Variants in ZBTB8A observed in about 807,000 individuals in gnomAD.
ZBTB8A encodes the protein zinc finger and BTB domain containing 8A.
Under a neutral mutation model 37.8 loss-of-function variants are expected in ZBTB8A, and 19 were observed. The observed-to-expected ratio is 0.50, with a 90% CI of 0.35 to 0.74. The LOEUF (loss-of-function observed/expected upper bound fraction) is 0.74, where lower values mean the gene tolerates loss of function less well. Ranked by LOEUF, ZBTB8A falls within the 30% of genes least tolerant of loss-of-function variation. The pLI is 0.01. For synonymous variants in ZBTB8A, 181 were observed against 185.2 expected (o/e 0.98, Z 0.19); for missense variants, 394 against 537.8 (o/e 0.73, Z 2.65).
chr1:32,554,195 C>G (rs12116899), intron 2 of ZBTB8A, among the ~76,000 whole-genome samples: 14 of 127,436 alleles, frequency 1.1e-4, no homozygotes, highest in African/African-American at 4.2e-4. Context: ...GCAAGACTGT[C>G]TCCAAAAAAA....
At chr1:32,565,660 T>G (rs1046447084) in intron 2 of ZBTB8A, among the ~76,000 whole-genome samples, 1 of 152,110 alleles carries the variant, frequency 6.6e-6, no homozygotes, top group African/African-American at 2.4e-5. Context: ...TTAAAAAATT[T>G]TTTTTAATTA....
chr1:32,563,434 G>A (rs1644257741), intron 2 of ZBTB8A, among the ~76,000 whole-genome samples: 1 of 152,012 alleles, frequency 6.6e-6, no homozygotes, highest in South Asian at 2.1e-4. Context: ...TTCCCCCCTA[G>A]GGCTGACACC....
At chr1:32,567,418 C>G (rs1018439888) in intron 2 of ZBTB8A, among the ~76,000 whole-genome samples, 3 of 152,088 alleles carry the variant, frequency 2.0e-5, no homozygotes, top group African/African-American at 4.8e-5. Flanking sequence ...TATCTGCCAC[C>G]TAGCTATTTT....
intron 1 of ZBTB8A, among the ~76,000 whole-genome samples, chr1:32,549,000 A>G (rs567445094): frequency 3.5e-4 from 53 of 150,348 alleles, no homozygotes; most frequent in African/African-American, 1.2e-3. Context: ...AGACCAGCCT[A>G]GCCAATATGG....
Position 32,593,226 on chromosome 1 carries a change from A to G in ZBTB8A, c.295A>G (p.Met99Val). ...SLTGQNVIEV[M>V]SAASFLQMTD... The stretch of plus-strand genomic sequence containing the variant: ...TACTGGTCAGAATGTCATAGAAGTG[A>G]TGTCGGCTGCTAGCTTCCTTCAGAT... Residue 99 changes from methionine (M) to valine (V), a missense_variant, in exon 3 of 5, where the codon ATG (methionine) becomes GTG (valine). This residue lies in a region of ZBTB8A where 96 missense variants were observed against 165.6 expected (regional missense o/e 0.58). Transcript: ENST00000373510. The G allele has an allele frequency of 1.2e-6, 2 of 1,614,194 alleles. No homozygotes were observed. Among genetic ancestry groups the G allele is most frequent in the Non-Finnish European group, 1.7e-6 (2 of 1,180,040 alleles).
chr1:32,541,969 C>A (rs1212054132), intron 1 of ZBTB8A, among the ~76,000 whole-genome samples: 1 of 152,160 alleles, frequency 6.6e-6, no homozygotes, highest in Non-Finnish European at 1.5e-5. Context: ...GATTTTTTGA[C>A]TTTACAGTGC....
At position 32,600,575 on chromosome 1, in the gene ZBTB8A, T is replaced by G; in HGVS notation, c.*156T>G. On this transcript the variant is annotated 3_prime_UTR_variant, in exon 5 of 5. Coordinates refer to ENST00000373510, the MANE Select transcript of ZBTB8A (RefSeq NM_001040441.3). ...TGCATGCTTTCTGAACAGGCCATTG[T>G]ATCCATTCTGAACTTTGTTGCCCTA... 1.6e-6 allele frequency: 1 copy of G among 631,458 alleles called. No homozygotes were observed. The highest frequency in any genetic ancestry group is 2.7e-6 in the Non-Finnish European group (1 of 368,648). The allele number at this position is 631,458 out of a possible 1,614,324, so 39.1% of individuals were successfully genotyped here.
chr1:32,567,621 G>A (rs954558540), intron 2 of ZBTB8A, among the ~76,000 whole-genome samples: 76 of 141,230 alleles, frequency 5.4e-4, no homozygotes, highest in African/African-American at 1.9e-3. Flanking sequence ...GGTGAAACCC[G>A]GTCTCTACTA....
intron 2 of ZBTB8A, among the ~76,000 whole-genome samples, chr1:32,583,439 G>C (rs1210542645): frequency 1.3e-5 from 2 of 150,844 alleles, no homozygotes; most frequent in East Asian, 3.9e-4. Context: ...GAGTTCAGAT[G>C]GTGAGGCATT....
chr1:32,546,135 G>A (rs1464467617), intron 1 of ZBTB8A, among the ~76,000 whole-genome samples: 2 of 152,102 alleles, frequency 1.3e-5, no homozygotes, highest in Non-Finnish European at 2.9e-5. Context: ...TTGAGTATCT[G>A]CCCTTCTCAT....
At chr1:32,568,303 AT>A (rs1157821669) in intron 2 of ZBTB8A, among the ~76,000 whole-genome samples, 3 of 151,530 alleles carry the variant, frequency 2.0e-5, no homozygotes, top group African/African-American at 7.3e-5. Flanking sequence ...TTTTTTTCTT[AT>A]GCCATTTTGT....
intron 2 of ZBTB8A, among the ~76,000 whole-genome samples, chr1:32,578,231 A>ATTTTTT (rs561875455): frequency 1.9e-4 from 26 of 135,084 alleles, no homozygotes; most frequent in African/African-American, 6.6e-4. Flanking sequence ...CTCCTGGCTA[A>ATTTTTT]TTTTTTTTTT....
intron 3 of ZBTB8A, among the ~76,000 whole-genome samples, chr1:32,594,675 C>T (rs1254573241): frequency 2.0e-5 from 3 of 151,468 alleles, no homozygotes; most frequent in Non-Finnish European, 4.4e-5. Flanking sequence ...GCAGAAGAAT[C>T]GCTTCAGGAG....
chr1:32,539,708 CCA>C (rs1465210481), intron 1 of ZBTB8A, 136 bp downstream of exon 1: 116 of 147,412 alleles, frequency 7.9e-4, no homozygotes, highest in South Asian at 1.1e-3. Flanking sequence ...CGCGCCTCCC[CCA>C]GACGTCCCCG....
rs1570382440 is a variant in ZBTB8A at position 32,603,456 on chromosome 1, T to C, written c.*3037T>C. The C allele has an allele frequency of 6.6e-6, 1 of 152,370 alleles. No individual in the cohort carries two copies. Among genetic ancestry groups the C allele is most frequent in the African/African-American group, 2.4e-5 (1 of 41,572 alleles). The allele number at this position is 152,370 out of a possible 1,614,324, so 9.4% of individuals were successfully genotyped here. A position where few individuals can be genotyped will look rare whatever the true frequency, so the allele number is the denominator to read the frequency against. On this transcript the variant is annotated 3_prime_UTR_variant, in exon 5 of 5. Transcript: ENST00000373510. ...ATCAGGATTCTTAACAATTAAAGTG[T>C]ATCTGAATGAGGAAGGAAACGCTTG...
At chr1:32,578,869 G>A (rs2148238701) in intron 2 of ZBTB8A, among the ~76,000 whole-genome samples, 1 of 152,034 alleles carries the variant, frequency 6.6e-6, no homozygotes, top group East Asian at 1.9e-4. Flanking sequence ...TCATGCCATT[G>A]TGCCCAGCAC....
chr1:32,583,507 C>G (rs1222620689), intron 2 of ZBTB8A, among the ~76,000 whole-genome samples: 1 of 151,872 alleles, frequency 6.6e-6, no homozygotes, highest in Non-Finnish European at 1.5e-5. Context: ...ATACAAAGGT[C>G]ATTCAACATC....
intron 1 of ZBTB8A, among the ~76,000 whole-genome samples, chr1:32,542,892 C>G (rs1644068523): frequency 6.6e-6 from 1 of 152,180 alleles, no homozygotes; most frequent in Non-Finnish European, 1.5e-5. Context: ...TATAAAGTCA[C>G]TCTACTGAAA....
At chr1:32,561,157 T>G (rs542285455) in intron 2 of ZBTB8A, among the ~76,000 whole-genome samples, 1 of 143,930 alleles carries the variant, frequency 6.9e-6, no homozygotes, top group Non-Finnish European at 1.5e-5. Context: ...TCACCATCTC[T>G]TTTGCACCCT....
Sources: allele counts gnomAD v4.1 joint callset (sites outside exome capture counted in the v4.1 genomes callset), GRCh38; gene constraint gnomAD v4.1.1; regional missense constraint gnomAD v4.1.1; transcripts MANE v1.5; gene names NCBI Gene and HGNC (gene_info 2026-07-23, HGNC 2026-07-21).